The following ROBO1 variants were observed in gnomAD, a reference collection of about 807,000 sequenced individuals.
ROBO1 encodes the protein roundabout homolog 1.
ROBO1 carries 149 observed loss-of-function variants against 195.9 expected under a neutral mutation model. The observed-to-expected ratio is 0.76, with a 90% confidence interval of 0.67 to 0.87. ROBO1 has a LOEUF of 0.87. Among genes scored for constraint, ROBO1 ranks in the 40% least tolerant of loss-of-function variants. ROBO1 has a pLI of 0.00. For missense variants in ROBO1, 1,933 were observed against 2,068.3 expected, an observed-to-expected ratio of 0.93 and a Z score of 1.27; for synonymous variants, 816 against 733.2, an observed-to-expected ratio of 1.11 and a Z score of -1.82.
intron 2 of ROBO1, among the ~76,000 whole-genome samples, chr3:79,281,754 T>C (rs569282957): frequency 6.6e-6 from 1 of 152,296 alleles, no homozygotes; most frequent in African/African-American, 2.4e-5. Context: ...TATTCATAAC[T>C]TTGTGCCATC....
At chr3:78,711,769 A>G (rs1037573547) in intron 8 of ROBO1, among the ~76,000 whole-genome samples, 11 of 150,846 alleles carry the variant, frequency 7.3e-5, no homozygotes, top group African/African-American at 2.4e-4. Flanking sequence ...GATTACAGGC[A>G]TGAGCCACCA....
chr3:79,566,811 G>A lies in ROBO1; in HGVS notation c.88+23013C>T, dbSNP rs184139472. 2.1e-3 allele frequency among the ~76,000 whole-genome samples: 321 copies of A among 152,214 alleles called. 1 individual carries two copies. Among genetic ancestry groups the A allele is most frequent in the African/African-American group, 6.8e-3 (284 of 41,548 alleles). ...TGCTGGAGAGGTTGTGGAAAGAAAG[G>A]AACATGTATATACTGCTGGTGGGAG... On this transcript the variant is annotated intron_variant, in intron 2 of 30. Transcript: ENST00000464233.
intron 3 of ROBO1, among the ~76,000 whole-genome samples, chr3:78,945,659 A>G (rs984781056): frequency 2.6e-5 from 4 of 152,140 alleles, no homozygotes; most frequent in African/African-American, 9.7e-5. Flanking sequence ...ACGGAACAAA[A>G]CTGGATGGAG....
At chr3:79,611,655 C>T (rs190586885) in intron 1 of ROBO1, among the ~76,000 whole-genome samples, 5 of 152,108 alleles carry the variant, frequency 3.3e-5, no homozygotes, top group African/African-American at 2.4e-5. Context: ...CCAAACACTG[C>T]GTGTTCTCAC....
chr3:79,018,044 TACTC>T (rs2077995860), intron 3 of ROBO1, among the ~76,000 whole-genome samples: 3 of 152,144 alleles, frequency 2.0e-5, no homozygotes, highest in Non-Finnish European at 1.5e-5. Context: ...CGGCGGCTGA[TACTC>T]ACTTCGGCTC....
At position 79,400,393 on chromosome 3, in the gene ROBO1, A is replaced by G. The variant is rs1006681431; in HGVS notation, c.88+189431T>C. Among the ~76,000 whole-genome samples the G allele has an allele frequency of 9.2e-5, 14 of 152,208 alleles. No homozygotes were observed. The South Asian group carries it at 2.3e-3, about 25-fold the overall frequency. ...TTTTTGGCAGATACATGACAAATTT[A>G]GCGTATGGATTCCCAAAATTACCCT... is the stretch of plus-strand genomic sequence containing the variant. On this transcript the variant is annotated intron_variant, in intron 2 of 30. Coordinates refer to ENST00000464233, the MANE Select transcript of ROBO1 (RefSeq NM_002941.4).
At chr3:79,623,937 C>A (rs531475979) in intron 1 of ROBO1, among the ~76,000 whole-genome samples, 58 of 152,220 alleles carry the variant, frequency 3.8e-4, no homozygotes, top group African/African-American at 1.3e-3. Context: ...ATGTTAAGGG[C>A]AGCCAGAGAG....
intron 24 of ROBO1, 65 bp downstream of exon 24, chr3:78,633,870 T>C (rs1018010396): frequency 7.3e-6 from 8 of 1,092,996 alleles, no homozygotes; most frequent in Non-Finnish European, 1.1e-5. Flanking sequence ...CCATTAGCAC[T>C]CAATTTGTAA....
At chr3:79,757,507 C>T (rs139825498) in intron 1 of ROBO1, among the ~76,000 whole-genome samples, 1 of 144,046 alleles carries the variant, frequency 6.9e-6, no homozygotes, top group Non-Finnish European at 1.5e-5. Flanking sequence ...CTCTCTCTCT[C>T]TCCATATATA....
chr3:78,816,315 A>G (rs2084901748), intron 4 of ROBO1, among the ~76,000 whole-genome samples: 1 of 152,060 alleles, frequency 6.6e-6, no homozygotes, highest in African/African-American at 2.4e-5. Flanking sequence ...CTATGCAAAA[A>G]AATATTCCTT....
At chr3:79,482,921 C>A (rs900501511) in intron 2 of ROBO1, among the ~76,000 whole-genome samples, 1 of 152,092 alleles carries the variant, frequency 6.6e-6, no homozygotes, top group Non-Finnish European at 1.5e-5. Flanking sequence ...AATAATTGTT[C>A]TAGCTATGCC....
chr3:78,778,193 C>T (rs187638051), intron 4 of ROBO1, among the ~76,000 whole-genome samples: 1 of 152,092 alleles, frequency 6.6e-6, no homozygotes, highest in Non-Finnish European at 1.5e-5. Context: ...CTGACTTGAT[C>T]GTGGTGGATA....
chr3:79,088,184 A>T (rs555832502), intron 3 of ROBO1, among the ~76,000 whole-genome samples: 3 of 149,654 alleles, frequency 2.0e-5, no homozygotes, highest in East Asian at 3.9e-4. Context: ...TGTCACTATA[A>T]TATCTGCTAT....
At chr3:79,637,918 T>A (rs9834482) in intron 1 of ROBO1, among the ~76,000 whole-genome samples, 86,054 of 151,438 alleles carry the variant, frequency 0.57, 24,648 homozygotes, top group South Asian at 0.67. Flanking sequence ...GTATTTTTTT[T>A]AATTTTTTTA....
At chr3:79,291,312 G>A (rs1347817398) in intron 2 of ROBO1, among the ~76,000 whole-genome samples, 5 of 152,126 alleles carry the variant, frequency 3.3e-5, no homozygotes, top group East Asian at 1.9e-4. Flanking sequence ...AAACTGGATC[G>A]TTCACAATAT....
intron 3 of ROBO1, among the ~76,000 whole-genome samples, chr3:79,107,858 T>G (rs1354173633): frequency 6.6e-6 from 1 of 151,684 alleles, no homozygotes; most frequent in Non-Finnish European, 1.5e-5. Context: ...AGAGTTAAGA[T>G]AATATTAATA....
At chr3:78,737,552 G>A (rs1315890206) in intron 5 of ROBO1, among the ~76,000 whole-genome samples, 1 of 152,106 alleles carries the variant, frequency 6.6e-6, no homozygotes, top group Non-Finnish European at 1.5e-5. Context: ...TTCACAGATG[G>A]AAACAATGAA....
At chr3:78,840,172 A>G (rs1489337750) in intron 4 of ROBO1, among the ~76,000 whole-genome samples, 1 of 152,206 alleles carries the variant, frequency 6.6e-6, no homozygotes, top group Non-Finnish European at 1.5e-5. Context: ...GAGGGCCAAA[A>G]TGAATGGATT....
At chr3:79,640,922 T>G (rs779035410) in intron 1 of ROBO1, among the ~76,000 whole-genome samples, 13 of 152,156 alleles carry the variant, frequency 8.5e-5, no homozygotes, top group East Asian at 3.9e-4. Context: ...TTCCAGAGAA[T>G]GTAAAATTGG....
Sources: allele counts gnomAD v4.1 joint callset (sites outside exome capture counted in the v4.1 genomes callset), GRCh38; gene constraint gnomAD v4.1.1; transcripts MANE v1.5; gene names NCBI Gene and HGNC (gene_info 2026-07-23, HGNC 2026-07-21).